OPCML: variants seen among roughly 807,000 people sequenced by gnomAD.
OPCML encodes the protein opioid-binding protein/cell adhesion molecule.
In OPCML, 13 loss-of-function variants were observed where a neutral mutation model predicts 37.8. The ratio of observed to expected loss-of-function variants is 0.34; its 90% CI spans 0.22 to 0.55. The LOEUF (loss-of-function observed/expected upper bound fraction) is 0.55. Among genes scored for constraint, OPCML ranks in the 20% least tolerant of loss-of-function variants. OPCML has a pLI of 0.91. For synonymous variants in OPCML, 176 were observed against 168.8 expected, an observed-to-expected ratio of 1.04 and a Z score of -0.33; for missense variants, 341 against 435.6, an observed-to-expected ratio of 0.78 and a Z score of 1.93.
chr11:133,482,264 G>C (rs775757256), intron 1 of OPCML, among the ~76,000 whole-genome samples: 12 of 152,130 alleles, frequency 7.9e-5, no homozygotes, highest in Non-Finnish European at 1.5e-4. Context: ...CATGGGAAGA[G>C]AACATCTGAG....
chr11:132,664,410 T>A (rs974306231), intron 2 of OPCML, among the ~76,000 whole-genome samples: 1 of 152,210 alleles, frequency 6.6e-6, no homozygotes, highest in African/African-American at 2.4e-5. Flanking sequence ...TTTCTCTGAA[T>A]TTACTTTTTT....
chr11:133,403,578 C>G (rs1257226687), intron 1 of OPCML, among the ~76,000 whole-genome samples: 1 of 152,152 alleles, frequency 6.6e-6, no homozygotes, highest in African/African-American at 2.4e-5. Flanking sequence ...AGGCAGGTTA[C>G]TCTGTCTCAT....
chr11:133,466,527 G>GGCCATTCTACAGAAGGGTA (rs1200987885), intron 1 of OPCML, among the ~76,000 whole-genome samples: 20 of 152,300 alleles, frequency 1.3e-4, no homozygotes, highest in Admixed American at 3.3e-4. Flanking sequence ...TGAAGCAAAA[G>GGCCATTCTACAGAAGGGTA]GCCATTCTAC....
intron 1 of OPCML, among the ~76,000 whole-genome samples, chr11:132,958,801 A>T (rs1036068976): frequency 4.9e-5 from 7 of 141,658 alleles, no homozygotes; most frequent in African/African-American, 1.5e-4. Context: ...CACTATTAAG[A>T]CCTACTTCTC....
At chr11:133,252,826 T>C (rs1173338645) in intron 1 of OPCML, among the ~76,000 whole-genome samples, 1 of 152,108 alleles carries the variant, frequency 6.6e-6, no homozygotes, top group Non-Finnish European at 1.5e-5. Flanking sequence ...AAACCCAGAT[T>C]ATGTGAATCC....
At chr11:133,467,974 A>G (rs2136999816) in intron 1 of OPCML, among the ~76,000 whole-genome samples, 1 of 152,304 alleles carries the variant, frequency 6.6e-6, no homozygotes, top group African/African-American at 2.4e-5. Context: ...TACCTCTGGG[A>G]CCTTGGCAAT....
chr11:133,037,904 C>T (rs1363178470), intron 1 of OPCML, among the ~76,000 whole-genome samples: 1 of 152,252 alleles, frequency 6.6e-6, no homozygotes, highest in Non-Finnish European at 1.5e-5. Flanking sequence ...CACACTCTTG[C>T]CCCTTCTGGC....
intron 1 of OPCML, among the ~76,000 whole-genome samples, chr11:132,979,822 G>A (rs1167296733): frequency 2.0e-5 from 3 of 152,158 alleles, no homozygotes; most frequent in Non-Finnish European, 2.9e-5. Flanking sequence ...GCTTGTAAGA[G>A]ACTGAGAAGG....
intron 2 of OPCML, among the ~76,000 whole-genome samples, chr11:132,851,769 T>G (rs944107111): frequency 2.0e-5 from 3 of 152,164 alleles, no homozygotes; most frequent in Non-Finnish European, 4.4e-5. Context: ...AAAGGTTGAG[T>G]GTCTTGCCCA....
intron 1 of OPCML, among the ~76,000 whole-genome samples, chr11:133,216,606 T>A (rs780079545): frequency 4.6e-5 from 7 of 152,192 alleles, no homozygotes; most frequent in Non-Finnish European, 1.0e-4. Flanking sequence ...TGGTAATTTA[T>A]ATGTGTCACT....
intron 4 of OPCML, among the ~76,000 whole-genome samples, chr11:132,463,829 T>C (rs1398811310): frequency 6.6e-6 from 1 of 152,182 alleles, no homozygotes; most frequent in Non-Finnish European, 1.5e-5. Flanking sequence ...GAAATGCTGA[T>C]AGGTTTGACT....
intron 1 of OPCML, among the ~76,000 whole-genome samples, chr11:133,129,011 G>A (rs1005690728): frequency 3.9e-5 from 6 of 152,188 alleles, no homozygotes; most frequent in Admixed American, 1.3e-4. Flanking sequence ...ACAGAGGTCC[G>A]CGAGAGCTGG....
chr11:132,649,167 C>T (rs759299384), intron 3 of OPCML, among the ~76,000 whole-genome samples: 1 of 152,030 alleles, frequency 6.6e-6, no homozygotes, highest in African/African-American at 2.4e-5. Context: ...TGTATGTGTA[C>T]GTGGTGTCTG....
rs80068859 is a variant in OPCML, at chr11:132,624,630, A to G, written c.379+32457T>C. Among the ~76,000 whole-genome samples, 853 of 152,082 alleles carry G rather than the reference A, an allele frequency of 5.6e-3. 2 individuals are homozygous for G. Among genetic ancestry groups the G allele is most frequent in the African/African-American group, 0.02 (810 of 41,476 alleles). On this transcript the variant is annotated intron_variant, in intron 3 of 7. Coordinates refer to ENST00000524381, the MANE Select transcript of OPCML (RefSeq NM_001012393.5). ...ATCTCACTGATCCAAGTTTCCAGTC[A>G]TAACTCCACTCGTTCTACCCATTCC...
intron 1 of OPCML, among the ~76,000 whole-genome samples, chr11:133,273,173 T>C (rs1313672900): frequency 6.6e-6 from 1 of 152,184 alleles, no homozygotes; most frequent in Non-Finnish European, 1.5e-5. Flanking sequence ...TTATTCTAGC[T>C]GGGGTCAAAG....
At chr11:133,146,389 A>G (rs1242429011) in intron 1 of OPCML, among the ~76,000 whole-genome samples, 1 of 145,520 alleles carries the variant, frequency 6.9e-6, no homozygotes, top group Non-Finnish European at 1.5e-5. Flanking sequence ...ATCTTGGCTC[A>G]CTGCAACCTC....
At chr11:132,908,708 G>T (rs1160110050) in intron 2 of OPCML, among the ~76,000 whole-genome samples, 1 of 152,236 alleles carries the variant, frequency 6.6e-6, no homozygotes, top group Admixed American at 6.5e-5. Flanking sequence ...ATAAGGTGCT[G>T]CTTGGTTAGA....
intron 4 of OPCML, among the ~76,000 whole-genome samples, chr11:132,442,678 A>C (rs533258463): frequency 1.3e-5 from 2 of 152,310 alleles, no homozygotes; most frequent in East Asian, 1.9e-4. Context: ...AAATGATTGA[A>C]TCATGGGCGC....
chr11:132,500,901 T>C (rs2137121538), intron 4 of OPCML, among the ~76,000 whole-genome samples: 1 of 152,366 alleles, frequency 6.6e-6, no homozygotes, highest in Non-Finnish European at 1.5e-5. Context: ...TTTTTATGGC[T>C]GCATAGTATT....
Sources: allele counts gnomAD v4.1 joint callset (sites outside exome capture counted in the v4.1 genomes callset), GRCh38; gene constraint gnomAD v4.1.1; transcripts MANE v1.5; gene names NCBI Gene and HGNC (gene_info 2026-07-23, HGNC 2026-07-21).